Variants in PPP2R1B observed in about 807,000 individuals in gnomAD.
PPP2R1B encodes protein phosphatase 2 scaffold subunit Abeta, also known as serine/threonine-protein phosphatase 2A 65 kDa regulatory subunit A beta isoform.
A neutral mutation model predicts 72.7 loss-of-function variants in PPP2R1B; 58 were observed. The observed-to-expected ratio is 0.80, with a 90% confidence interval of 0.65 to 0.99. The LOEUF is 0.99. Ranked by LOEUF, PPP2R1B falls within the 50% of genes least tolerant of loss-of-function variation. The probability of loss-of-function intolerance (pLI) is 0.00; values close to 1 mark genes in which losing one functional copy is unlikely to be tolerated. For synonymous variants in PPP2R1B, 256 were observed against 264.6 expected (o/e 0.97, Z 0.32); for missense variants, 695 against 733.6 (o/e 0.95, Z 0.61).
At position 111,766,291 on chromosome 11, in the gene PPP2R1B, G is replaced by A. The variant is rs1945537969; in HGVS notation, c.71C>T (p.Pro24Leu). ...GAGCTCGTCGATTAAAACCGCGATC[G>A]GGTATAGCGAATCATCTCCATCTCC... The part of the protein sequence containing the change: ...AGGDGDDSLY[P>L]IAVLIDELRN... The change falls in exon 1 of 15, where the codon CCG becomes CTG. Residue 24 changes from proline to leucine, a missense_variant. Pro to Leu is a moderately conservative substitution (Grantham distance 98). Coordinates refer to ENST00000527614, the MANE Select transcript of PPP2R1B (RefSeq NM_002716.5). The A allele has an allele frequency of 6.3e-7, 1 of 1,592,920 alleles. No homozygotes were observed. Among genetic ancestry groups the A allele is most frequent in the Non-Finnish European group, 8.5e-7 (1 of 1,171,490 alleles).
At chr11:111,708,158 G>C in the PPP2R1B span, among the ~76,000 whole-genome samples, 1 of 152,194 alleles carries the variant, frequency 6.6e-6, no homozygotes, top group South Asian at 2.1e-4. Flanking sequence ...AAGGCAGGTG[G>C]TTTGCTTGAA....
At chr11:111,701,407 T>G in the PPP2R1B span, 5 of 1,595,302 alleles carry the variant, frequency 3.1e-6, no homozygotes, top group Non-Finnish European at 4.3e-6. This position sits in a 1 kb window ranked among gnomAD's most constrained non-coding sequence, Gnocchi z 4.2. Flanking sequence ...CAAAGAGTGT[T>G]TGACGTTCTT....
chr11:111,719,005 T>C, the PPP2R1B span: 2 of 152,272 alleles, frequency 1.3e-5, no homozygotes, highest in Non-Finnish European at 2.9e-5. Context: ...TGCGGGGAGC[T>C]GTGCTGCGCT....
Position 111,738,680 on chromosome 11 carries a change from G to A in PPP2R1B, c.*2916C>T, listed in dbSNP as rs180676544. The A allele has an allele frequency of 1.5e-4, 144 of 985,402 alleles. No individual in the cohort carries two copies. The Middle Eastern group carries it at 6.3e-3, about 43-fold the overall frequency. 61.0% of individuals were successfully genotyped at this position (985,402 alleles called of 1,614,324 possible). On this transcript the variant is annotated 3_prime_UTR_variant, in exon 15 of 15. Transcript: ENST00000527614. ...CAGCCCGTTATTTCAACAAGACCTC[G>A]TTAGAAACCACATATTCACCTGCCT... is the stretch of plus-strand genomic sequence containing the variant.
intron 5 of PPP2R1B, among the ~76,000 whole-genome samples, chr11:111,756,071 G>T (rs562969719): frequency 6.6e-6 from 1 of 151,682 alleles, no homozygotes; most frequent in Admixed American, 6.6e-5. Context: ...TTAGCCAGGC[G>T]TGGTGGCGGG....
the PPP2R1B span, among the ~76,000 whole-genome samples, chr11:111,714,679 A>G: frequency 6.6e-6 from 1 of 152,290 alleles, no homozygotes; most frequent in East Asian, 1.9e-4. Context: ...AGAAATGGAG[A>G]ACTAAAGGCA....
chr11:111,698,874 C>T, the PPP2R1B span, among the ~76,000 whole-genome samples: 1 of 152,204 alleles, frequency 6.6e-6, no homozygotes, highest in South Asian at 2.1e-4. Context: ...TCTTGTGCTG[C>T]TTTATCCTGT....
the PPP2R1B span, among the ~76,000 whole-genome samples, chr11:111,719,360 T>C: frequency 0.1 from 711 of 6,996 alleles, 4 homozygotes; most frequent in East Asian, 0.25. Flanking sequence ...CTACCCCTTT[T>C]TTTTTTTTTT....
chr11:111,721,813 A>AC, the PPP2R1B span: 1 of 1,581,046 alleles, frequency 6.3e-7, no homozygotes, highest in Non-Finnish European at 8.6e-7. Context: ...AATTGTTTCC[A>AC]CCCCCTTGCT....
downstream of PPP2R1B, among the ~76,000 whole-genome samples, chr11:111,735,681 C>T (rs905122138): frequency 6.6e-6 from 1 of 152,240 alleles, no homozygotes; most frequent in Non-Finnish European, 1.5e-5. Context: ...AGTGGCGGGC[C>T]CAGCCCCAGG....
chr11:111,739,032 T>C lies in PPP2R1B; in HGVS notation c.*2564A>G. 1 of 985,338 alleles carries C rather than the reference T, an allele frequency of 1.0e-6. No individual in the cohort carries two copies. The highest frequency in any genetic ancestry group is 1.2e-6 in the Non-Finnish European group (1 of 829,916). The allele number at this position is 985,338 out of a possible 1,614,324, so 61.0% of individuals were successfully genotyped here. On this transcript the variant is annotated 3_prime_UTR_variant, in exon 15 of 15. Transcript: ENST00000527614. ...GACAAATCCACACAGAACTGTAGTCTAAGCCAGGGGACCAGAAAAGGGCCA... is the reference window on the plus strand; with the variant it reads ...GACAAATCCACACAGAACTGTAGTCCAAGCCAGGGGACCAGAAAAGGGCCA...
intron 15 of PPP2R1B, among the ~76,000 whole-genome samples, chr11:111,732,030 C>G (rs1944209858): frequency 6.6e-6 from 1 of 152,228 alleles, no homozygotes; most frequent in Non-Finnish European, 1.5e-5. Context: ...GAGTCGAAGG[C>G]TCCAGCAGGG....
At chr11:111,758,964 T>C (rs980033310) in intron 5 of PPP2R1B, among the ~76,000 whole-genome samples, 8 of 152,176 alleles carry the variant, frequency 5.3e-5, no homozygotes, top group Non-Finnish European at 1.2e-4. Flanking sequence ...TGTGGTCCTG[T>C]ACACATGAAG....
chr11:111,708,587 G>A, the PPP2R1B span, among the ~76,000 whole-genome samples: 2 of 151,592 alleles, frequency 1.3e-5, no homozygotes, highest in Non-Finnish European at 2.9e-5. Flanking sequence ...TGGGGTTTTG[G>A]GGGAGGTTTT....
At chr11:111,730,836 AAAC>A (rs1944166974) in intron 15 of PPP2R1B, 1 of 152,244 alleles carries the variant, frequency 6.6e-6, no homozygotes, top group African/African-American at 2.4e-5. Context: ...ATTAAAATAA[AAAC>A]AACTTCTTTT....
intron 12 of PPP2R1B, 30 bp downstream of exon 12, chr11:111,743,346 G>A: frequency 6.4e-7 from 1 of 1,572,254 alleles, no homozygotes; most frequent in South Asian, 1.1e-5. Context: ...TAATGATTAA[G>A]CTTAGCAATA....
the PPP2R1B span, among the ~76,000 whole-genome samples, chr11:111,691,179 A>G: frequency 6.6e-6 from 1 of 152,124 alleles, no homozygotes; most frequent in Non-Finnish European, 1.5e-5. Flanking sequence ...TCATTGTGTG[A>G]TATCTTAGGT....
At chr11:111,742,451 G>T in intron 13 of PPP2R1B, 72 bp downstream of exon 13, 1 of 1,476,052 alleles carries the variant, frequency 6.8e-7, no homozygotes, top group African/African-American at 1.4e-5. Context: ...CTTAATTTTA[G>T]CTAATTACTC....
chr11:111,703,753 T>C, the PPP2R1B span, among the ~76,000 whole-genome samples: 2 of 152,148 alleles, frequency 1.3e-5, no homozygotes, highest in Non-Finnish European at 2.9e-5. Context: ...CTAGTTTGTA[T>C]GGAATGTAAA....
Sources: allele counts gnomAD v4.1 joint callset (sites outside exome capture counted in the v4.1 genomes callset), GRCh38; gene constraint gnomAD v4.1.1; non-coding constraint Gnocchi (gnomAD v3.1); transcripts MANE v1.5; gene names NCBI Gene and HGNC (gene_info 2026-07-23, HGNC 2026-07-21).